Variants in TFF1 observed in about 807,000 individuals in gnomAD.
TFF1 encodes trefoil factor 1, also known as breast cancer estrogen-inducible protein.
Under a neutral mutation model 7.7 loss-of-function variants are expected in TFF1, and 8 were observed. The observed-to-expected ratio is 1.04, with a 90% CI of 0.61 to 1.87. The LOEUF (loss-of-function observed/expected upper bound fraction) is 1.87, where lower values mean the gene tolerates loss of function less well. Among genes scored for constraint, TFF1 ranks in the 40% most tolerant of loss-of-function variants. The pLI, the probability that TFF1 is intolerant of heterozygous loss-of-function variation, is 0.00. For missense variants in TFF1, 120 were observed against 113.4 expected, an observed-to-expected ratio of 1.06 and a Z score of -0.26; for synonymous variants, 47 against 44.8, an observed-to-expected ratio of 1.05 and a Z score of -0.19.
chr21:42,364,106 C>CA (rs34872461), intron 1 of TFF1, among the ~76,000 whole-genome samples: 10,564 of 112,666 alleles, frequency 0.094, 890 homozygotes, highest in African/African-American at 0.23. Context: ...GACTCCATCT[C>CA]AAAAAAAAAA....
At chr21:42,363,037 C>CG (rs1380644082) in intron 2 of TFF1, among the ~76,000 whole-genome samples, 3 of 152,138 alleles carry the variant, frequency 2.0e-5, no homozygotes, top group South Asian at 4.1e-4. Flanking sequence ...GAAGAGAAGC[C>CG]GGGGGGAAAT....
intron 1 of TFF1, among the ~76,000 whole-genome samples, chr21:42,365,841 G>A (rs2052275096): frequency 1.3e-5 from 2 of 152,140 alleles, no homozygotes; most frequent in South Asian, 4.1e-4. Flanking sequence ...ACAACACCAG[G>A]GAATATGGGT....
At chr21:42,365,093 G>C (rs2052269206) in intron 1 of TFF1, among the ~76,000 whole-genome samples, 1 of 152,152 alleles carries the variant, frequency 6.6e-6, no homozygotes, top group South Asian at 2.1e-4. Flanking sequence ...AAATGGAAAT[G>C]GTTTCCACAC....
intron 2 of TFF1, 27 bp downstream of exon 2, chr21:42,363,228 A>G: frequency 3.7e-6 from 6 of 1,613,988 alleles, no homozygotes; most frequent in Non-Finnish European, 5.1e-6. Context: ...CTAAATCTTC[A>G]GAACCCATCG....
At chr21:42,362,567 T>C in intron 2 of TFF1, 72 bp from the exon 3 acceptor site, 1 of 1,491,476 alleles carries the variant, frequency 6.7e-7, no homozygotes, top group Non-Finnish European at 9.0e-7. Flanking sequence ...ATTTAAACAA[T>C]TACAGAGTTT....
At chr21:42,362,564 C>G (rs976967918) in intron 2 of TFF1, 69 bp from the exon 3 acceptor site, 4 of 1,499,904 alleles carry the variant, frequency 2.7e-6, no homozygotes, top group Non-Finnish European at 2.7e-6. Flanking sequence ...CACATTTAAA[C>G]AATTACAGAG....
chr21:42,365,371 C>T (rs531324996), intron 1 of TFF1, among the ~76,000 whole-genome samples: 5 of 152,236 alleles, frequency 3.3e-5, no homozygotes, highest in South Asian at 4.2e-4. Context: ...CTTCCTCTCT[C>T]GGGTTCCAAA....
At chr21:42,364,136 T>C (rs2052260818) in intron 1 of TFF1, among the ~76,000 whole-genome samples, 1 of 148,564 alleles carries the variant, frequency 6.7e-6, no homozygotes, top group South Asian at 2.1e-4. Flanking sequence ...TCTAAGGATC[T>C]GATGGAGGAG....
At position 42,363,270 on chromosome 21, in the gene TFF1, C is replaced by T. The variant is rs779422658; in HGVS notation, c.223G>A (p.Asp75Asn). The T allele has an allele frequency of 1.1e-5, 17 of 1,614,002 alleles. No homozygotes were observed. The highest frequency in any genetic ancestry group is 1.4e-5 in the Non-Finnish European group (16 of 1,180,038). The change falls in exon 2 of 3, where the codon GAC becomes AAC. Residue 75 changes from aspartate to asparagine, a missense_variant. Physicochemically the swap from Asp to Asn is conservative, Grantham distance 23. Coordinates refer to ENST00000291527, the MANE Select transcript of TFF1 (RefSeq NM_003225.3). The part of the protein sequence containing the change: ...VPWCFYPNTI[D>N]VPPEEECEF Reference sequence around the variant, plus strand: ...AAGGCCATACCTTCTGGAGGGACGTCGATGGTATTAGGATAGAAGCACCAG... The same window carrying T: ...AAGGCCATACCTTCTGGAGGGACGTTGATGGTATTAGGATAGAAGCACCAG...
chr21:42,365,216 G>A (rs2052269963), intron 1 of TFF1, among the ~76,000 whole-genome samples: 1 of 151,646 alleles, frequency 6.6e-6, no homozygotes, highest in African/African-American at 2.4e-5. Flanking sequence ...TGTGTGGGGT[G>A]GGGAGGGGAG....
rs1417920166 is a variant in TFF1 at position 42,363,244 on chromosome 21, A to G, written c.238+11T>C. The G allele has an allele frequency of 2.5e-5, 40 of 1,614,136 alleles. No homozygotes were observed. Among genetic ancestry groups the G allele is most frequent in the Non-Finnish European group, 3.2e-5 (38 of 1,180,026 alleles). ...TAAATCTTCAGAACCCATCGTATAA[A>G]AAGGCCATACCTTCTGGAGGGACGT... On this transcript the variant is annotated intron_variant, in intron 2 of 2. Transcript: ENST00000291527.
chr21:42,365,938 C>T (rs996556594), intron 1 of TFF1, among the ~76,000 whole-genome samples: 7 of 152,150 alleles, frequency 4.6e-5, no homozygotes, highest in African/African-American at 7.2e-5. Context: ...GAGAGGGTCT[C>T]CCAGTTGGCC....
chr21:42,366,421 C>A lies in TFF1; in HGVS notation c.75G>T (p.Glu25Asp), dbSNP rs1466884953. The A allele has an allele frequency of 3.1e-6, 5 of 1,611,388 alleles. No homozygotes were observed. In the East Asian group the frequency reaches 1.1e-4, roughly 36 times the overall value. The change falls in exon 1 of 3, where the codon GAG (glutamate) becomes GAT (aspartate). Residue 25 changes from glutamate to aspartate, a missense_variant. Transcript: ENST00000291527. ...VSMLALGTLA[E>D]AQTETCTVAP... ...AGAAGCACGCCTTACCTGTCTGGGC[C>A]TCGGCCAGGGTGCCGAGGGCCAGCA... is the stretch of plus-strand genomic sequence containing the variant.
chr21:42,362,541 A>G, intron 2 of TFF1, 46 bp from the exon 3 acceptor site: 1 of 1,535,028 alleles, frequency 6.5e-7, no homozygotes, highest in Non-Finnish European at 8.7e-7. Context: ...TAGTGAGGAT[A>G]AACATTTTCT....
At chr21:42,366,204 C>T (rs225357) in intron 1 of TFF1, among the ~76,000 whole-genome samples, 63,225 of 152,130 alleles carry the variant, frequency 0.42, 13,805 homozygotes, top group Non-Finnish European at 0.47. Flanking sequence ...CCTCGTCGCA[C>T]TTCTCGAAGG....
intron 1 of TFF1, 133 bp from the exon 2 acceptor site, chr21:42,363,540 G>A (rs191079939): frequency 1.3e-5 from 15 of 1,145,884 alleles, no homozygotes; most frequent in Middle Eastern, 3.0e-4. Flanking sequence ...AAACCCTCAG[G>A]ACATGAGAGG....
intron 1 of TFF1, among the ~76,000 whole-genome samples, chr21:42,366,002 A>C (rs2052276423): frequency 6.6e-6 from 1 of 152,172 alleles, no homozygotes; most frequent in African/African-American, 2.4e-5. Context: ...GGTGGCCATC[A>C]CTGGGACCGG....
In TFF1 at chr21:42,364,106, C is replaced by CAAAAA. The variant is rs34872461; in HGVS notation, c.86-704_86-700dup. 1.2e-3 allele frequency among the ~76,000 whole-genome samples: 132 copies of CAAAAA among 112,812 alleles called. 1 individual carries two copies. The highest frequency in any genetic ancestry group is 4.2e-3 in the African/African-American group (128 of 30,802). The allele number at this position is 112,812 out of a possible 152,430, so 74.0% of individuals were successfully genotyped here. ...TGAGTGACAGAGCAAGACTCCATCTCAAAAAAAAAAAAAAAAGAGTCTAAG... is the reference window on the plus strand; with the variant it reads ...TGAGTGACAGAGCAAGACTCCATCTCAAAAAAAAAAAAAAAAAAAAAGAGTCTAAG... On this transcript the variant is annotated intron_variant, in intron 1 of 2. Transcript: ENST00000291527.
chr21:42,362,834 G>T (rs1276181368), intron 2 of TFF1, among the ~76,000 whole-genome samples: 1 of 149,062 alleles, frequency 6.7e-6, no homozygotes, highest in Non-Finnish European at 1.5e-5. Flanking sequence ...AGGAGGCAGA[G>T]ATTGCAGTGA....
Sources: allele counts gnomAD v4.1 joint callset (sites outside exome capture counted in the v4.1 genomes callset), GRCh38; gene constraint gnomAD v4.1.1; transcripts MANE v1.5; gene names NCBI Gene and HGNC (gene_info 2026-07-23, HGNC 2026-07-21).